The following FOXN3 variants were observed in gnomAD, a reference collection of about 807,000 sequenced individuals.
The protein encoded by FOXN3 is forkhead box N3.
FOXN3 carries 7 observed loss-of-function variants against 38.4 expected under a neutral mutation model. The ratio of observed to expected loss-of-function variants is 0.18; its 90% CI spans 0.10 to 0.34. FOXN3 has a LOEUF of 0.34. Among genes scored for constraint, FOXN3 ranks in the 10% least tolerant of loss-of-function variants. The pLI is 1.00. For synonymous variants in FOXN3, 230 were observed against 242.2 expected, an observed-to-expected ratio of 0.95 and a Z score of 0.47; for missense variants, 456 against 613.4, an observed-to-expected ratio of 0.74 and a Z score of 2.71.
intron 1 of FOXN3, among the ~76,000 whole-genome samples, chr14:89,444,007 CAAAAAAA>C (rs569571116): frequency 3.0e-5 from 2 of 67,638 alleles, no homozygotes; most frequent in South Asian, 7.2e-4. Flanking sequence ...GAAACTCTGT[CAAAAAAA>C]AAAAAAAAAA....
chr14:89,215,435 T>A (rs1031242532), intron 4 of FOXN3, among the ~76,000 whole-genome samples: 6 of 152,160 alleles, frequency 3.9e-5, no homozygotes, highest in African/African-American at 1.2e-4. Flanking sequence ...CATGTTTGAT[T>A]TTGATTTTCA....
intron 1 of FOXN3, among the ~76,000 whole-genome samples, chr14:89,487,279 C>T (rs1893466804): frequency 6.6e-6 from 1 of 152,130 alleles, no homozygotes; most frequent in African/African-American, 2.4e-5. Flanking sequence ...TCTTTTTAAC[C>T]GGGGCCTCAA....
intron 3 of FOXN3, among the ~76,000 whole-genome samples, chr14:89,338,521 C>T (rs895771936): frequency 5.9e-5 from 9 of 152,138 alleles, no homozygotes; most frequent in African/African-American, 1.7e-4. Context: ...CGGCTGGGCG[C>T]GGTGGCTCAC....
intron 2 of FOXN3, among the ~76,000 whole-genome samples, chr14:89,394,568 GC>G (rs1442519878): frequency 6.6e-6 from 1 of 152,174 alleles, no homozygotes; most frequent in African/African-American, 2.4e-5. Flanking sequence ...GTTTAGTAAA[GC>G]TTTTTGATAA....
intron 4 of FOXN3, among the ~76,000 whole-genome samples, chr14:89,243,406 C>T (rs1307717343): frequency 6.6e-6 from 1 of 152,086 alleles, no homozygotes; most frequent in Non-Finnish European, 1.5e-5. Context: ...TGCGCCTGCC[C>T]GATGCAAGCA....
chr14:89,220,975 T>G (rs2139842405), intron 4 of FOXN3, among the ~76,000 whole-genome samples: 1 of 152,176 alleles, frequency 6.6e-6, no homozygotes, highest in African/African-American at 2.4e-5. Context: ...GTTCAAACCC[T>G]GAAGCTTATG....
intron 2 of FOXN3, among the ~76,000 whole-genome samples, chr14:89,398,017 T>A (rs1021124689): frequency 1.3e-5 from 2 of 152,160 alleles, no homozygotes; most frequent in Non-Finnish European, 2.9e-5. Context: ...AGTCTGACTA[T>A]CCTGAAGGAA....
rs190907223 is a variant in FOXN3 at position 89,520,815 on chromosome 14, C to T, written c.-15+98213G>A. Among the ~76,000 whole-genome samples the T allele has an allele frequency of 4.3e-3, 658 of 152,176 alleles. 5 individuals are homozygous for T. The highest frequency in any genetic ancestry group is 4.4e-3 in the Non-Finnish European group (302 of 68,000). Reference sequence around the variant, plus strand: ...GTACTGGAGAAAAGCCAACAGCAATCAGAAAGACTGATCCCAAGGTGACAC... The same window carrying T: ...GTACTGGAGAAAAGCCAACAGCAATTAGAAAGACTGATCCCAAGGTGACAC... On this transcript the variant is annotated intron_variant, in intron 1 of 6. Transcript: ENST00000345097.
chr14:89,569,113 G>A (rs1490798011), intron 1 of FOXN3, among the ~76,000 whole-genome samples: 2 of 152,202 alleles, frequency 1.3e-5, no homozygotes, highest in Non-Finnish European at 1.5e-5. Context: ...GCTGAGGCAG[G>A]AGAATGGCGT....
chr14:89,260,418 T>C (rs1478809732), intron 4 of FOXN3, among the ~76,000 whole-genome samples: 1 of 152,228 alleles, frequency 6.6e-6, no homozygotes, highest in Non-Finnish European at 1.5e-5. Flanking sequence ...GGCACCCCTG[T>C]GCTCCCGGCA....
At chr14:89,292,630 C>T (rs1416577238) in intron 3 of FOXN3, among the ~76,000 whole-genome samples, 2 of 152,226 alleles carry the variant, frequency 1.3e-5, no homozygotes, top group African/African-American at 2.4e-5. Flanking sequence ...CACAGTGCTC[C>T]TCTCCTCTGG....
At chr14:89,511,977 C>T (rs1412845815) in intron 1 of FOXN3, among the ~76,000 whole-genome samples, 1 of 152,186 alleles carries the variant, frequency 6.6e-6, no homozygotes, top group East Asian at 1.9e-4. Context: ...TCCACCTAGT[C>T]CCTCTCATGA....
rs74626078 is a variant in FOXN3 at position 89,165,027 on chromosome 14, G to A, written c.852-2058C>T. Among the ~76,000 whole-genome samples, 358 of 152,142 alleles carry A rather than the reference G, an allele frequency of 2.4e-3. 13 individuals are homozygous for A. The South Asian group carries it at 0.064, about 27-fold the overall frequency. The stretch of plus-strand genomic sequence containing the variant: ...GTGTCCACCAGCAAAATGTATGAGG[G>A]TCATTATCAAAACTCAGCCTTTGCT... On this transcript the variant is annotated intron_variant, in intron 5 of 5. Transcript: ENST00000557258.
intron 2 of FOXN3, among the ~76,000 whole-genome samples, chr14:89,370,473 C>T (rs1315897646): frequency 2.6e-5 from 4 of 152,192 alleles, no homozygotes; most frequent in African/African-American, 9.6e-5. Flanking sequence ...CACGGCTGCA[C>T]AAAGGGCTGT....
chr14:89,522,937 A>G (rs1216932106), intron 1 of FOXN3, among the ~76,000 whole-genome samples: 1 of 152,078 alleles, frequency 6.6e-6, no homozygotes, highest in African/African-American at 2.4e-5. Flanking sequence ...GATTAAAAAA[A>G]AACCCCACAA....
chr14:89,399,746 A>G (rs1265111037), intron 2 of FOXN3, among the ~76,000 whole-genome samples: 1 of 152,138 alleles, frequency 6.6e-6, no homozygotes, highest in Non-Finnish European at 1.5e-5. Context: ...CCAATTTTAC[A>G]CTGGCAGGGG....
intron 3 of FOXN3, among the ~76,000 whole-genome samples, chr14:89,335,818 A>G (rs1263661661): frequency 6.6e-6 from 1 of 152,238 alleles, no homozygotes; most frequent in African/African-American, 2.4e-5. Context: ...TAAAAAAACT[A>G]AATTCAAAAG....
intron 4 of FOXN3, among the ~76,000 whole-genome samples, chr14:89,277,893 A>T (rs1164496013): frequency 6.6e-6 from 1 of 152,092 alleles, no homozygotes; most frequent in Non-Finnish European, 1.5e-5. Context: ...CTGTGAAGCT[A>T]AGTTCTCTGG....
At chr14:89,505,088 T>C (rs1893883875) in intron 1 of FOXN3, among the ~76,000 whole-genome samples, 1 of 152,268 alleles carries the variant, frequency 6.6e-6, no homozygotes, top group Non-Finnish European at 1.5e-5. Flanking sequence ...ATGTGGTTTC[T>C]GCCTGGCTGA....
Sources: gnomAD v4.1 joint callset for allele counts (sites outside exome capture counted in the v4.1 genomes callset) on GRCh38, gnomAD v4.1.1 for gene constraint, MANE v1.5 for transcripts, NCBI Gene and HGNC (gene_info 2026-07-23, HGNC 2026-07-21) for gene names.